ALG1: variants seen among roughly 807,000 people sequenced by gnomAD.
ALG1 encodes chitobiosyldiphosphodolichol beta-mannosyltransferase.
Under a neutral mutation model 55.1 loss-of-function variants are expected in ALG1, and 58 were observed. That is an observed-to-expected ratio of 1.05 (90% confidence interval 0.85 to 1.31). The LOEUF (loss-of-function observed/expected upper bound fraction) is 1.31. Among genes scored for constraint, ALG1 ranks in the 50% most tolerant of loss-of-function variants. ALG1 has a pLI of 0.00. For missense variants in ALG1, 761 were observed against 598.6 expected, an observed-to-expected ratio of 1.27 and a Z score of -2.83; for synonymous variants, 309 against 247.0, an observed-to-expected ratio of 1.25 and a Z score of -2.35.
Position 5,085,577 on chromosome 16 carries a change from T to C in ALG1, c.*696T>C, listed in dbSNP as rs527816882. ...TTTATCCGCTTTCCCATATAAAAAT[T>C]CTTCCCATGAGAGTGACTTGATTCT... On this transcript the variant is annotated 3_prime_UTR_variant, in exon 13 of 13. Transcript: ENST00000262374. 471 of 1,248,904 alleles carry C rather than the reference T, an allele frequency of 3.8e-4. No homozygotes were observed. Among genetic ancestry groups the C allele is most frequent in the Non-Finnish European group, 4.9e-4 (419 of 848,866 alleles). 77.4% of individuals were successfully genotyped at this position (1,248,904 alleles called of 1,614,324 possible). A position where few individuals can be genotyped will look rare whatever the true frequency, so the allele number is the denominator to read the frequency against.
intron 9 of ALG1, among the ~76,000 whole-genome samples, chr16:5,080,306 C>G (rs1199242412): frequency 6.6e-6 from 1 of 152,110 alleles, no homozygotes; most frequent in Non-Finnish European, 1.5e-5. Context: ...CTCAGGTGAT[C>G]CACCCGCCTT....
At position 5,072,119 on chromosome 16, in the gene ALG1, C is replaced by T. The variant is rs971007016; in HGVS notation, c.208+62C>T. 5 of 1,549,678 alleles carry T rather than the reference C, an allele frequency of 3.2e-6. No homozygotes were observed. The African/African-American group carries it at 4.1e-5, about 13-fold the overall frequency. On this transcript the variant is annotated intron_variant, in intron 1 of 12. Transcript: ENST00000262374. ...TCAGCCGTTGATCCTCGGTTCTAAC[C>T]GCCCCGGGGAGTCGAGGCGGAAGTG...
intron 12 of ALG1, among the ~76,000 whole-genome samples, chr16:5,083,970 C>G (rs1164673935): frequency 6.6e-6 from 1 of 152,140 alleles, no homozygotes; most frequent in African/African-American, 2.4e-5. Flanking sequence ...CCCCCACCTG[C>G]CCTCTGGATT....
chr16:5,073,328 A>G (rs902453054), intron 3 of ALG1, 72 bp downstream of exon 3: 250 of 1,320,730 alleles, frequency 1.9e-4, no homozygotes, highest in African/African-American at 5.9e-4. Context: ...AATTGGTACT[A>G]TATTGCATAT....
intron 3 of ALG1, 112 bp downstream of exon 3, chr16:5,073,368 G>A (rs773785884): frequency 2.1e-6 from 2 of 948,190 alleles, no homozygotes; most frequent in Non-Finnish European, 3.3e-6. Flanking sequence ...GTGTATGGGC[G>A]TTTAAAGACA....
Position 5,079,728 on chromosome 16 carries a change from G to C in ALG1, c.902-20G>C, listed in dbSNP as rs74249172. 2 of 1,609,370 alleles carry C rather than the reference G, an allele frequency of 1.2e-6. No individual in the cohort carries two copies. The highest frequency in any genetic ancestry group is 8.5e-7 in the Non-Finnish European group (1 of 1,177,826). On this transcript the variant is annotated intron_variant, in intron 8 of 12. Transcript: ENST00000262374. ...TCTATCAGAAATTCCATGTAGAATTGTTTCTTTTTCTAAACACAGAGTTTG... is the reference window on the plus strand; with the variant it reads ...TCTATCAGAAATTCCATGTAGAATTCTTTCTTTTTCTAAACACAGAGTTTG...
Position 5,075,549 on chromosome 16 carries a change from G to A in ALG1, c.539+13G>A. ...TGCTGGCCAAGTGGTGAGAGTCTAGGAAGAGGGTAAAATACCGTCCCCTAA... is the reference window on the plus strand; with the variant it reads ...TGCTGGCCAAGTGGTGAGAGTCTAGAAAGAGGGTAAAATACCGTCCCCTAA... On this transcript the variant is annotated intron_variant, in intron 4 of 12. Coordinates refer to ENST00000262374, the MANE Select transcript of ALG1 (RefSeq NM_019109.5). 1 of 1,613,950 alleles carries A rather than the reference G, an allele frequency of 6.2e-7. No individual in the cohort carries two copies. Among genetic ancestry groups the A allele is most frequent in the South Asian group, 1.1e-5 (1 of 91,086 alleles).
intron 3 of ALG1, among the ~76,000 whole-genome samples, chr16:5,074,360 G>T (rs1956870726): frequency 6.6e-6 from 1 of 151,960 alleles, no homozygotes; most frequent in South Asian, 2.1e-4. Context: ...ATGCTGGCCA[G>T]GATGGTCTTG....
intron 3 of ALG1, 30 bp from the exon 4 acceptor site, chr16:5,075,358 T>C: frequency 1.9e-6 from 3 of 1,613,288 alleles, no homozygotes; most frequent in Non-Finnish European, 2.5e-6. Context: ...GGTCTGGGTT[T>C]CCTCCCCTTC....
chr16:5,080,071 GT>G (rs1956990184), intron 9 of ALG1, among the ~76,000 whole-genome samples: 2 of 137,496 alleles, frequency 1.5e-5, no homozygotes, highest in Admixed American at 1.6e-4. Context: ...CGTCATTGGT[GT>G]CTTTTTTTTT....
At chr16:5,078,552 G>C (rs1271372917) in intron 6 of ALG1, 1 of 843,308 alleles carries the variant, frequency 1.2e-6, no homozygotes, top group African/African-American at 1.7e-5. Flanking sequence ...AGTCAGTCTT[G>C]TTTGCTGTTG....
At chr16:5,076,880 C>T (rs1304894100) in intron 4 of ALG1, among the ~76,000 whole-genome samples, 2 of 151,104 alleles carry the variant, frequency 1.3e-5, no homozygotes, top group African/African-American at 4.9e-5. Flanking sequence ...CTGCAGCCTC[C>T]GCCTTCTGGG....
chr16:5,077,815 C>T, intron 5 of ALG1, 92 bp from the exon 6 acceptor site: 2 of 1,245,232 alleles, frequency 1.6e-6, no homozygotes, highest in Admixed American at 1.7e-5. Flanking sequence ...TTGGATTCCC[C>T]AAGCGTCCTT....
intron 10 of ALG1, among the ~76,000 whole-genome samples, chr16:5,082,333 C>A (rs1203600174): frequency 1.3e-5 from 2 of 151,974 alleles, no homozygotes; most frequent in Admixed American, 6.5e-5. Context: ...AACACAACAA[C>A]AAAAAAACCA....
intron 6 of ALG1, 28 bp from the exon 7 acceptor site, chr16:5,078,729 C>G (rs372230011): frequency 1.9e-6 from 3 of 1,612,458 alleles, no homozygotes; most frequent in Non-Finnish European, 2.5e-6. Context: ...TCTATGGCCT[C>G]TCACAGGCTT....
chr16:5,075,556 G>C lies in ALG1; in HGVS notation c.539+20G>C. 1 of 1,613,562 alleles carries C rather than the reference G, an allele frequency of 6.2e-7. No homozygotes were observed. The highest frequency in any genetic ancestry group is 8.5e-7 in the Non-Finnish European group (1 of 1,180,018). On this transcript the variant is annotated intron_variant, in intron 4 of 12. Coordinates refer to ENST00000262374, the MANE Select transcript of ALG1 (RefSeq NM_019109.5). ...CAAGTGGTGAGAGTCTAGGAAGAGGGTAAAATACCGTCCCCTAAACCACTC... is the reference window on the plus strand; with the variant it reads ...CAAGTGGTGAGAGTCTAGGAAGAGGCTAAAATACCGTCCCCTAAACCACTC...
chr16:5,082,640 GCTGTTTGC>G lies in ALG1; in HGVS notation c.1159_1166del (p.Leu387ValfsTer10), dbSNP rs1393935113. ...ATGAAGGTGGTGGACATGTTCGGGTGCTGTTTGCCTGTGTGTGCTGTGAACTTCAAGTG... is the reference window on the plus strand; with the variant it reads ...ATGAAGGTGGTGGACATGTTCGGGTGCTGTGTGTGCTGTGAACTTCAAGTG... On this transcript the variant is annotated frameshift_variant, in exon 11 of 13. Coordinates refer to ENST00000262374, the MANE Select transcript of ALG1 (RefSeq NM_019109.5). LOFTEE classifies it high-confidence loss of function. The G allele has an allele frequency of 6.2e-7, 1 of 1,611,756 alleles. No individual in the cohort carries two copies.
Position 5,075,368 on chromosome 16 carries a change from C to T in ALG1, c.391-20C>T. ...AGCATGGTCTGGGTTTCCTCCCCTTCAAGTCTCTATCTTTCCTAGAACCCC... is the reference window on the plus strand; with the variant it reads ...AGCATGGTCTGGGTTTCCTCCCCTTTAAGTCTCTATCTTTCCTAGAACCCC... On this transcript the variant is annotated intron_variant, in intron 3 of 12. Coordinates refer to ENST00000262374, the MANE Select transcript of ALG1 (RefSeq NM_019109.5). 6.2e-7 allele frequency: 1 copy of T among 1,613,960 alleles called. No homozygotes were observed. Among genetic ancestry groups the T allele is most frequent in the South Asian group, 1.1e-5 (1 of 91,074 alleles).
rs1414446298 is a variant in ALG1, at chr16:5,086,153, T to C, written c.*1272T>C. 6.6e-6 allele frequency among the ~76,000 whole-genome samples: 1 copy of C among 152,050 alleles called. No homozygotes were observed. The highest frequency in any genetic ancestry group is 1.5e-5 in the Non-Finnish European group (1 of 68,000). The stretch of plus-strand genomic sequence containing the variant: ...GAGTTCGAGACCAGCCTGGCCAACA[T>C]GGTGAAATCCCATCTCTACAAAAAT... On this transcript the variant is annotated 3_prime_UTR_variant, in exon 13 of 13. Transcript: ENST00000262374.
Sources: allele counts gnomAD v4.1 joint callset (sites outside exome capture counted in the v4.1 genomes callset), GRCh38; gene constraint gnomAD v4.1.1; transcripts MANE v1.5; gene names NCBI Gene and HGNC (gene_info 2026-07-23, HGNC 2026-07-21).